COL4A1: variants seen among roughly 807,000 people sequenced by gnomAD.
COL4A1 encodes the protein collagen alpha-1(IV) chain.
A neutral mutation model predicts 216.6 loss-of-function variants in COL4A1; 40 were observed. The ratio of observed to expected loss-of-function variants is 0.18; its 90% CI spans 0.14 to 0.24. The LOEUF is 0.24. Ranked by LOEUF, COL4A1 falls within the 10% of genes least tolerant of loss-of-function variation. The probability of loss-of-function intolerance (pLI) is 1.00; values close to 1 mark genes in which losing one functional copy is unlikely to be tolerated. For synonymous variants in COL4A1, 839 were observed against 810.7 expected, an observed-to-expected ratio of 1.03 and a Z score of -0.59; for missense variants, 1,628 against 2,196.8, an observed-to-expected ratio of 0.74 and a Z score of 5.18.
At chr13:110,213,151 C>A (rs534712684) in intron 4 of COL4A1, among the ~76,000 whole-genome samples, 1 of 152,182 alleles carries the variant, frequency 6.6e-6, no homozygotes, top group Non-Finnish European at 1.5e-5. Flanking sequence ...GGATCAAAAA[C>A]TACGTAACAG....
intron 41 of COL4A1, 87 bp from the exon 42 acceptor site, chr13:110,170,819 G>A (rs774638827): frequency 3.5e-5 from 49 of 1,393,134 alleles, no homozygotes; most frequent in Non-Finnish European, 4.2e-5. Context: ...GGGATGAGGC[G>A]TGCCTCATCC....
intron 2 of COL4A1, among the ~76,000 whole-genome samples, chr13:110,219,765 T>C (rs1259931336): frequency 7.4e-6 from 1 of 135,394 alleles, no homozygotes; most frequent in Non-Finnish European, 1.6e-5. Flanking sequence ...TATATGCGTA[T>C]ATATGTATAT....
intron 17 of COL4A1, 162 bp downstream of exon 17, chr13:110,205,191 C>A: frequency 1.3e-6 from 1 of 765,116 alleles, no homozygotes. Flanking sequence ...TGTAAAAAAT[C>A]ATGAACATAA....
Position 110,160,445 on chromosome 13 carries a change from G to A in COL4A1, c.4640+747C>T, listed in dbSNP as rs1162614841. Among the ~76,000 whole-genome samples the A allele has an allele frequency of 8.5e-4, 37 of 43,420 alleles. 4 individuals carry two copies. Among genetic ancestry groups the A allele is most frequent in the African/African-American group, 3.0e-3 (35 of 11,574 alleles). 28.5% of individuals were successfully genotyped at this position (43,420 alleles called of 152,430 possible). ...GGCCTGGGTGACAGAGCGAGACTCC[G>A]TCTCAAAAAAAAAAAAAAAAATTCA... is the stretch of plus-strand genomic sequence containing the variant. On this transcript the variant is annotated intron_variant, in intron 49 of 51. Transcript: ENST00000375820.
chr13:110,224,552 A>G lies in COL4A1; in HGVS notation c.145-10537T>C, dbSNP rs558780603. ...TGGTCAGGCTGGTCTTGAACTCCTG[A>G]CCTCAGGTAATCCGCCAGCCTCGGC... On this transcript the variant is annotated intron_variant, in intron 2 of 51. Coordinates refer to ENST00000375820, the MANE Select transcript of COL4A1 (RefSeq NM_001845.6). 2.6e-4 allele frequency among the ~76,000 whole-genome samples: 40 copies of G among 152,266 alleles called. 1 individual carries two copies. The highest frequency in any genetic ancestry group is 2.5e-3 in the Admixed American group (38 of 15,296).
chr13:110,221,913 C>T (rs1222594023), intron 2 of COL4A1, among the ~76,000 whole-genome samples: 1 of 152,228 alleles, frequency 6.6e-6, no homozygotes, highest in Non-Finnish European at 1.5e-5. Flanking sequence ...TGCCTGCGCT[C>T]AGGCAGCGCG....
chr13:110,176,476 A>T lies in COL4A1; in HGVS notation c.3006T>A (p.Gly1002=). ...CTTTTGGTCCCGGAAGTCCTGGAGC[A>T]CCTGGGGTTCCACTTATACCTGGAT... is the stretch of plus-strand genomic sequence containing the variant. ...KGDPGISGTP[G]APGLPGPKGS... The change falls in exon 36 of 52, where the codon GGT becomes GGA. Residue 1002 remains glycine, a synonymous_variant. Transcript: ENST00000375820. 6.2e-7 allele frequency: 1 copy of T among 1,614,066 alleles called. No homozygotes were observed. Among genetic ancestry groups the T allele is most frequent in the South Asian group, 1.1e-5 (1 of 91,080 alleles).
intron 46 of COL4A1, among the ~76,000 whole-genome samples, chr13:110,164,081 C>G (rs994606799): frequency 6.6e-6 from 1 of 150,890 alleles, no homozygotes; most frequent in Non-Finnish European, 1.5e-5. Context: ...CTCGACCTCC[C>G]GGGCTCAAGC....
intron 1 of COL4A1, among the ~76,000 whole-genome samples, chr13:110,301,885 G>A (rs1884508505): frequency 6.6e-6 from 1 of 152,206 alleles, no homozygotes; most frequent in Non-Finnish European, 1.5e-5. Context: ...CCAAAAAGAG[G>A]GGGAACCCCA....
chr13:110,261,975 G>T (rs960175436), intron 1 of COL4A1, among the ~76,000 whole-genome samples: 1 of 152,158 alleles, frequency 6.6e-6, no homozygotes, highest in Non-Finnish European at 1.5e-5. Flanking sequence ...AGCTGTGACC[G>T]GGCGGGAAGC....
intron 1 of COL4A1, among the ~76,000 whole-genome samples, chr13:110,301,839 G>A (rs1374013200): frequency 6.6e-6 from 1 of 152,160 alleles, no homozygotes; most frequent in Admixed American, 6.5e-5. Context: ...AGAAAAATTT[G>A]ACAGATCCGT....
In COL4A1 at chr13:110,164,776, T is replaced by G. The variant is rs556621099; in HGVS notation, c.4150+86A>C. The G allele has an allele frequency of 1.0e-4, 156 of 1,549,612 alleles. 1 individual carries two copies. The East Asian group carries it at 3.6e-3, about 36-fold the overall frequency. On this transcript the variant is annotated intron_variant, in intron 46 of 51. Transcript: ENST00000375820. ...TGTGTATAATCATTACCCAGAAACT[T>G]ATTTTAGATACATGGGTGAGGAGGA...
intron 15 of COL4A1, among the ~76,000 whole-genome samples, chr13:110,206,220 T>C (rs1879507634): frequency 6.6e-6 from 1 of 152,232 alleles, no homozygotes; most frequent in Admixed American, 6.5e-5. Flanking sequence ...TCCTTCCAGG[T>C]AGAAACCAGA....
intron 42 of COL4A1, among the ~76,000 whole-genome samples, chr13:110,170,064 G>GA (rs1877546630): frequency 7.2e-6 from 1 of 139,762 alleles, no homozygotes; most frequent in African/African-American, 2.8e-5. Flanking sequence ...AGGAGGGGAG[G>GA]GAGGAGGGGA....
At chr13:110,219,690 G>GTATATATATGTA (rs770674866) in intron 2 of COL4A1, among the ~76,000 whole-genome samples, 28,372 of 134,904 alleles carry the variant, frequency 0.21, 2,998 homozygotes, top group Middle Eastern at 0.27. Context: ...GTATATATAT[G>GTATATATATGTA]TATATATATG....
intron 1 of COL4A1, among the ~76,000 whole-genome samples, chr13:110,262,550 T>C (rs1274878946): frequency 6.6e-6 from 1 of 152,220 alleles, no homozygotes; most frequent in African/African-American, 2.4e-5. Flanking sequence ...CTACTTTTTA[T>C]TTAGGCAAAA....
intron 11 of COL4A1, 84 bp downstream of exon 11, chr13:110,209,308 G>A: frequency 7.8e-7 from 1 of 1,276,702 alleles, no homozygotes; most frequent in Non-Finnish European, 1.1e-6. Context: ...TTTAGAGACT[G>A]AAAGAATAAG....
At chr13:110,224,148 C>T (rs111898879) in intron 2 of COL4A1, among the ~76,000 whole-genome samples, 2 of 152,280 alleles carry the variant, frequency 1.3e-5, no homozygotes, top group South Asian at 2.1e-4. Flanking sequence ...CATGAAATCA[C>T]GCCTCTGCTC....
Position 110,192,772 on chromosome 13 carries a change from A to G in COL4A1, c.1465+58T>C, listed in dbSNP as rs17591246. 0.035 allele frequency: 51,557 copies of G among 1,460,668 alleles called. 1,205 individuals are homozygous for G. Among genetic ancestry groups the G allele is most frequent in the Admixed American group, 0.075 (4,336 of 57,836 alleles). The allele number at this position is 1,460,668 out of a possible 1,614,324, so 90.5% of individuals were successfully genotyped here. On this transcript the variant is annotated intron_variant, in intron 23 of 51. Transcript: ENST00000375820. ...ATGGAGTGAAATCCCTTTCACAGGA[A>G]AGATGCCAACACACCAAAGCAAACT...
Sources: gnomAD v4.1 joint callset for allele counts (sites outside exome capture counted in the v4.1 genomes callset) on GRCh38, gnomAD v4.1.1 for gene constraint, MANE v1.5 for transcripts, NCBI Gene and HGNC (gene_info 2026-07-23, HGNC 2026-07-21) for gene names.